The following BCAS1 variants were observed in gnomAD, a reference collection of about 807,000 sequenced individuals.
The protein encoded by BCAS1 is brain enriched myelin associated protein 1, also known as breast carcinoma-amplified sequence 1.
A neutral mutation model predicts 65.4 loss-of-function variants in BCAS1; 46 were observed. That is an observed-to-expected ratio of 0.70 (90% CI 0.55 to 0.90). The LOEUF is 0.90. Among genes scored for constraint, BCAS1 ranks in the 40% least tolerant of loss-of-function variants. The pLI, the probability that BCAS1 is intolerant of heterozygous loss-of-function variation, is 0.00. For missense variants in BCAS1, 793 were observed against 771.2 expected (o/e 1.03, Z -0.33); for synonymous variants, 298 against 293.5 (o/e 1.02, Z -0.16).
intron 3 of BCAS1, among the ~76,000 whole-genome samples, chr20:54,045,571 T>G (rs1055337982): frequency 7.2e-5 from 11 of 152,246 alleles, no homozygotes; most frequent in African/African-American, 2.4e-4. Context: ...CTTGCTTGAT[T>G]TGCAGACATA....
At chr20:53,989,214 G>T (rs1490499964) in intron 7 of BCAS1, among the ~76,000 whole-genome samples, 1 of 152,064 alleles carries the variant, frequency 6.6e-6, no homozygotes, top group East Asian at 1.9e-4. Context: ...GATAAAGATT[G>T]GGAAACACAT....
At chr20:53,945,519 C>T (rs1285036843) in intron 12 of BCAS1, among the ~76,000 whole-genome samples, 1 of 152,094 alleles carries the variant, frequency 6.6e-6, no homozygotes, top group Non-Finnish European at 1.5e-5. Flanking sequence ...CGTCATGTAA[C>T]ATTAGATATA....
intron 1 of BCAS1, among the ~76,000 whole-genome samples, chr20:54,068,776 G>T (rs916124344): frequency 6.2e-4 from 95 of 152,080 alleles, no homozygotes; most frequent in African/African-American, 2.1e-3. Flanking sequence ...CTTCAGGGCA[G>T]GGCACTTGGC....
At chr20:54,000,033 T>C (rs546130846) in intron 4 of BCAS1, among the ~76,000 whole-genome samples, 1 of 152,300 alleles carries the variant, frequency 6.6e-6, no homozygotes, top group East Asian at 1.9e-4. Flanking sequence ...CCTGAGCCAA[T>C]GGCCACGTTT....
At chr20:54,064,031 G>A (rs2092407358) in intron 1 of BCAS1, among the ~76,000 whole-genome samples, 1 of 152,162 alleles carries the variant, frequency 6.6e-6, no homozygotes, top group Admixed American at 6.5e-5. Context: ...TTGTGTTTGA[G>A]GGTTTGGCAC....
At chr20:53,990,232 G>T (rs543081625) in intron 7 of BCAS1, among the ~76,000 whole-genome samples, 1 of 152,260 alleles carries the variant, frequency 6.6e-6, no homozygotes, top group African/African-American at 2.4e-5. Flanking sequence ...GGAGAGAGGG[G>T]AGCATTTTGG....
At chr20:53,952,487 G>C (rs1166175276) in intron 12 of BCAS1, among the ~76,000 whole-genome samples, 1 of 152,188 alleles carries the variant, frequency 6.6e-6, no homozygotes, top group Non-Finnish European at 1.5e-5. Context: ...TAACACAATT[G>C]TGCATTTATA....
At chr20:54,059,208 A>G (rs1457262827) in intron 1 of BCAS1, among the ~76,000 whole-genome samples, 1 of 152,132 alleles carries the variant, frequency 6.6e-6, no homozygotes, top group Non-Finnish European at 1.5e-5. Context: ...CAACCAAACT[A>G]TATCATTGCT....
intron 11 of BCAS1, among the ~76,000 whole-genome samples, chr20:53,957,004 A>G (rs186558724): frequency 1.3e-5 from 2 of 152,364 alleles, no homozygotes; most frequent in African/African-American, 4.8e-5. Context: ...AAATAGAAGA[A>G]GGAGACTTCT....
intron 4 of BCAS1, among the ~76,000 whole-genome samples, chr20:54,006,982 A>C (rs2091210985): frequency 6.6e-6 from 1 of 152,166 alleles, no homozygotes; most frequent in Non-Finnish European, 1.5e-5. Context: ...GAGAAAAGAA[A>C]AGGCAAGGCC....
chr20:54,005,176 C>CAACATTGTCTTTTTAT (rs1469365721), intron 4 of BCAS1, among the ~76,000 whole-genome samples: 11 of 115,438 alleles, frequency 9.5e-5, no homozygotes, highest in Non-Finnish European at 1.9e-4. Context: ...ACAAGTGAGG[C>CAACATTGTCTTTTTAT]TAAGCACAGT....
Position 53,985,308 on chromosome 20 carries a change from C to A in BCAS1, c.1254G>T (p.Leu418=). Residue 418 remains leucine (L), a synonymous_variant, in exon 8 of 13, where the codon CTG becomes CTT. Transcript: ENST00000688948. ...KEKSGPTSLP[L]GKLFWKKSVK... ...TTACCTTTTTCCAAAACAGTTTGCC[C>A]AGAGGCAGAGAGGTGGGTCCTGATT... 2 of 1,613,606 alleles carry A rather than the reference C, an allele frequency of 1.2e-6. No homozygotes were observed.
At chr20:54,030,470 A>G (rs1239709216) in intron 3 of BCAS1, among the ~76,000 whole-genome samples, 1 of 152,242 alleles carries the variant, frequency 6.6e-6, no homozygotes, top group African/African-American at 2.4e-5. Flanking sequence ...ACAACATTGC[A>G]TTTTGCTTGC....
intron 1 of BCAS1, among the ~76,000 whole-genome samples, chr20:54,064,637 C>T (rs999964213): frequency 6.6e-6 from 1 of 152,210 alleles, no homozygotes; most frequent in African/African-American, 2.4e-5. Flanking sequence ...CGCAGTCTCG[C>T]TCTCCTGCAT....
intron 3 of BCAS1, among the ~76,000 whole-genome samples, chr20:54,039,263 A>C (rs1436401954): frequency 6.6e-6 from 1 of 151,540 alleles, no homozygotes; most frequent in Non-Finnish European, 1.5e-5. Context: ...GAATGATCGC[A>C]TTTCATGCTT....
intron 6 of BCAS1, among the ~76,000 whole-genome samples, chr20:53,994,736 T>A (rs1315707915): frequency 6.6e-6 from 1 of 152,168 alleles, no homozygotes; most frequent in Admixed American, 6.6e-5. Flanking sequence ...TTATGCTATA[T>A]AAGAAATTGG....
chr20:54,017,025 A>G (rs2091453082), intron 4 of BCAS1, among the ~76,000 whole-genome samples: 1 of 152,240 alleles, frequency 6.6e-6, no homozygotes. Flanking sequence ...AGCATGGTAC[A>G]TCATCATTAA....
chr20:54,050,611 G>A (rs530705170), intron 3 of BCAS1, among the ~76,000 whole-genome samples: 7 of 152,292 alleles, frequency 4.6e-5, no homozygotes, highest in Non-Finnish European at 8.8e-5. Flanking sequence ...AATGGGATGC[G>A]CTTAGCTCTT....
intron 9 of BCAS1, 84 bp from the exon 10 acceptor site, chr20:53,967,157 C>A (rs1490166805): frequency 2.8e-6 from 4 of 1,428,396 alleles, no homozygotes; most frequent in Non-Finnish European, 3.9e-6. Context: ...TCCTTGTTGC[C>A]CCCCTGTCCA....
Sources: allele counts gnomAD v4.1 joint callset (sites outside exome capture counted in the v4.1 genomes callset), GRCh38; gene constraint gnomAD v4.1.1; transcripts MANE v1.5; gene names NCBI Gene and HGNC (gene_info 2026-07-23, HGNC 2026-07-21).